RPS6KC1: variants seen among roughly 807,000 people sequenced by gnomAD.
RPS6KC1 encodes inactive ribosomal protein S6 kinase delta-1.
In RPS6KC1, 54 loss-of-function variants were observed where a neutral mutation model predicts 103.8. The ratio of observed to expected loss-of-function variants is 0.52; its 90% confidence interval spans 0.42 to 0.65. The LOEUF is 0.65. Ranked by LOEUF, RPS6KC1 falls within the 30% of genes least tolerant of loss-of-function variation. RPS6KC1 has a pLI of 0.00. For synonymous variants in RPS6KC1, 439 were observed against 438.7 expected (o/e 1.00, Z -0.01); for missense variants, 1,151 against 1,253.8 (o/e 0.92, Z 1.24).
chr1:213,408,103 T>C, the RPS6KC1 span, among the ~76,000 whole-genome samples: 1 of 152,196 alleles, frequency 6.6e-6, no homozygotes, highest in Non-Finnish European at 1.5e-5. Flanking sequence ...CTTCTGTCCT[T>C]ATAATGTCAG....
chr1:213,583,836 AAAG>A, the RPS6KC1 span, among the ~76,000 whole-genome samples: 242 of 116,264 alleles, frequency 2.1e-3, 2 homozygotes, highest in African/African-American at 5.0e-3. Context: ...AAAAAAAAAA[AAAG>A]AAAAAAGAAA....
At chr1:213,334,772 TC>T in the RPS6KC1 span, among the ~76,000 whole-genome samples, 1 of 152,226 alleles carries the variant, frequency 6.6e-6, no homozygotes, top group Non-Finnish European at 1.5e-5. Flanking sequence ...TATCTCTCTC[TC>T]TCTTTCTCTC....
intron 10 of RPS6KC1, among the ~76,000 whole-genome samples, chr1:213,233,411 C>T (rs1452474275): frequency 2.0e-5 from 3 of 152,198 alleles, no homozygotes; most frequent in Admixed American, 6.5e-5. Flanking sequence ...TAGCGAAATA[C>T]AGCCACCTCT....
At chr1:213,687,196 T>C in the RPS6KC1 span, among the ~76,000 whole-genome samples, 6 of 152,188 alleles carry the variant, frequency 3.9e-5, no homozygotes, top group Admixed American at 3.3e-4. Flanking sequence ...TCTAATCTCA[T>C]GGGAATACAT....
At chr1:213,582,291 A>G in the RPS6KC1 span, among the ~76,000 whole-genome samples, 1 of 152,072 alleles carries the variant, frequency 6.6e-6, no homozygotes, top group Non-Finnish European at 1.5e-5. Context: ...GTTATAACTC[A>G]CTATCTGTAA....
chr1:213,583,219 C>T, the RPS6KC1 span, among the ~76,000 whole-genome samples: 2 of 152,206 alleles, frequency 1.3e-5, no homozygotes, highest in Admixed American at 1.3e-4. Flanking sequence ...CTGCAATAAA[C>T]ATTCGTGCAC....
At chr1:213,184,749 A>C (rs533144315) in intron 8 of RPS6KC1, among the ~76,000 whole-genome samples, 15 of 152,040 alleles carry the variant, frequency 9.9e-5, no homozygotes, top group African/African-American at 3.6e-4. Flanking sequence ...TCATTGACCC[A>C]TTGGTCAGTC....
intron 8 of RPS6KC1, among the ~76,000 whole-genome samples, chr1:213,188,546 G>A (rs2092625936): frequency 6.6e-6 from 1 of 151,986 alleles, no homozygotes; most frequent in Admixed American, 6.6e-5. Context: ...TTTTCTATTG[G>A]AGAGGGGGGC....
the RPS6KC1 span, among the ~76,000 whole-genome samples, chr1:213,683,366 G>A: frequency 6.6e-6 from 1 of 152,084 alleles, no homozygotes; most frequent in Admixed American, 6.5e-5. Flanking sequence ...CTTAAGGATG[G>A]ACAAACTGCA....
chr1:213,321,886 G>A, the RPS6KC1 span, among the ~76,000 whole-genome samples: 1 of 152,174 alleles, frequency 6.6e-6, no homozygotes, highest in Non-Finnish European at 1.5e-5. Context: ...TGGAGAAAGA[G>A]CTTTCTAGGC....
the RPS6KC1 span, among the ~76,000 whole-genome samples, chr1:213,318,037 G>C: frequency 6.6e-6 from 1 of 152,216 alleles, no homozygotes; most frequent in Non-Finnish European, 1.5e-5. Context: ...GTGCCTACCT[G>C]GGGGGCAGGG....
At chr1:213,448,151 T>C in the RPS6KC1 span, among the ~76,000 whole-genome samples, 2 of 142,604 alleles carry the variant, frequency 1.4e-5, no homozygotes, top group Non-Finnish European at 3.0e-5. Flanking sequence ...GGTGGGAGGA[T>C]TGCTCCAGCC....
intron 4 of RPS6KC1, among the ~76,000 whole-genome samples, chr1:213,114,488 C>T (rs993376021): frequency 1.4e-4 from 21 of 151,790 alleles, no homozygotes; most frequent in African/African-American, 5.1e-4. Flanking sequence ...GATATACAAT[C>T]ATGTCATCTG....
At chr1:213,068,218 G>C (rs527896784) in intron 1 of RPS6KC1, among the ~76,000 whole-genome samples, 2 of 152,102 alleles carry the variant, frequency 1.3e-5, no homozygotes, top group Non-Finnish European at 2.9e-5. Flanking sequence ...GGGCGCAGTG[G>C]CTCACGCCTG....
the RPS6KC1 span, among the ~76,000 whole-genome samples, chr1:213,666,647 T>A: frequency 1.3e-5 from 2 of 152,224 alleles, no homozygotes; most frequent in Admixed American, 6.5e-5. Context: ...CAAAGGGCAT[T>A]TTTCTAAGTG....
At chr1:213,577,219 C>T in the RPS6KC1 span, among the ~76,000 whole-genome samples, 1 of 152,146 alleles carries the variant, frequency 6.6e-6, no homozygotes, top group Non-Finnish European at 1.5e-5. Context: ...GGGTAGTTCC[C>T]CTGCACATGC....
chr1:213,154,161 A>ATAAGCC (rs1553350022), intron 6 of RPS6KC1, among the ~76,000 whole-genome samples: 2 of 150,660 alleles, frequency 1.3e-5, no homozygotes. Context: ...GTGGAGTGAC[A>ATAAGCC]CCCCTGGGGC....
the RPS6KC1 span, among the ~76,000 whole-genome samples, chr1:213,313,747 C>G: frequency 6.6e-6 from 1 of 152,086 alleles, no homozygotes; most frequent in East Asian, 1.9e-4. Context: ...GGCGGATCAC[C>G]AGGTCAGGAG....
chr1:213,288,645 T>C, the RPS6KC1 span, among the ~76,000 whole-genome samples: 4 of 152,200 alleles, frequency 2.6e-5, no homozygotes, highest in African/African-American at 9.7e-5. Context: ...TATCACAAAA[T>C]TCATATTATT....
Sources: gnomAD v4.1 joint callset for allele counts (sites outside exome capture counted in the v4.1 genomes callset) on GRCh38, gnomAD v4.1.1 for gene constraint, MANE v1.5 for transcripts, NCBI Gene and HGNC (gene_info 2026-07-23, HGNC 2026-07-21) for gene names.